UBAC2: variants seen among roughly 807,000 people sequenced by gnomAD.
The protein encoded by UBAC2 is ubiquitin-associated domain-containing protein 2.
Under a neutral mutation model 44.0 loss-of-function variants are expected in UBAC2, and 26 were observed. That is an observed-to-expected ratio of 0.59 (90% CI 0.43 to 0.82). The LOEUF is 0.82. Ranked by LOEUF, UBAC2 falls within the 40% of genes least tolerant of loss-of-function variation. The probability of loss-of-function intolerance (pLI) is 0.00; values close to 1 mark genes in which losing one functional copy is unlikely to be tolerated. For synonymous variants in UBAC2, 155 were observed against 154.3 expected (o/e 1.00, Z -0.04); for missense variants, 329 against 419.4 (o/e 0.78, Z 1.88).
chr13:99,263,995 G>A lies in UBAC2; in HGVS notation c.389+19371G>A, dbSNP rs1263959422. ...AGGTGGTAAACCTTTTGGGTGGGGT[G>A]TGGGCATGTGTAATAATAAGGAAGG... is the stretch of plus-strand genomic sequence containing the variant. On this transcript the variant is annotated intron_variant, in intron 4 of 8. Coordinates refer to ENST00000403766, the MANE Select transcript of UBAC2 (RefSeq NM_001144072.2). 7.9e-5 allele frequency among the ~76,000 whole-genome samples: 12 copies of A among 152,302 alleles called. No individual in the cohort carries two copies. The East Asian group carries it at 2.1e-3, about 27-fold the overall frequency.
intron 2 of UBAC2, among the ~76,000 whole-genome samples, chr13:99,241,835 TA>T (rs1484577643): frequency 1.3e-5 from 2 of 149,238 alleles, no homozygotes; most frequent in Non-Finnish European, 3.0e-5. Flanking sequence ...GGTCAGCAGA[TA>T]AACAAGTGAA....
intron 7 of UBAC2, among the ~76,000 whole-genome samples, chr13:99,350,890 T>C (rs1277929770): frequency 6.6e-6 from 1 of 152,212 alleles, no homozygotes; most frequent in Non-Finnish European, 1.5e-5. Context: ...AGTTAAATTA[T>C]AGGACACCCT....
rs541101574 is a variant in UBAC2 at position 99,348,442 on chromosome 13, G to A, written c.807+7877G>A. Among the ~76,000 whole-genome samples the A allele has an allele frequency of 4.6e-5, 7 of 152,298 alleles. No homozygotes were observed. In the South Asian group the frequency reaches 1.0e-3, roughly 23 times the overall value. On this transcript the variant is annotated intron_variant, in intron 7 of 8. Coordinates refer to ENST00000403766, the MANE Select transcript of UBAC2 (RefSeq NM_001144072.2). ...ATTGGGGCAGGTGTTTCAGTCACGG[G>A]GGGCCTTATGAAAAAACGCACAGGG...
chr13:99,338,045 T>C (rs2138824422), intron 6 of UBAC2, among the ~76,000 whole-genome samples: 1 of 76,696 alleles, frequency 1.3e-5, no homozygotes, highest in South Asian at 4.9e-4. Flanking sequence ...TTTTCTTTTT[T>C]TCTTTTTTTT....
chr13:99,291,704 G>C (rs567568682), intron 4 of UBAC2, among the ~76,000 whole-genome samples: 17 of 152,112 alleles, frequency 1.1e-4, no homozygotes, highest in Non-Finnish European at 1.5e-4. Flanking sequence ...ATCTTCAAGG[G>C]CATACGCTCT....
chr13:99,276,929 C>T (rs1014331549), intron 4 of UBAC2, among the ~76,000 whole-genome samples: 7 of 152,290 alleles, frequency 4.6e-5, no homozygotes, highest in Middle Eastern at 3.4e-3. Flanking sequence ...CTGTGCAGTG[C>T]TCTGCCTTCC....
chr13:99,356,129 C>G (rs1227422789), intron 7 of UBAC2: 1 of 532,604 alleles, frequency 1.9e-6, no homozygotes, highest in Non-Finnish European at 3.9e-6. Context: ...GTCTGTCAGA[C>G]TGTACACAGT....
intron 7 of UBAC2, among the ~76,000 whole-genome samples, chr13:99,358,384 T>G (rs1332084520): frequency 6.6e-6 from 1 of 152,080 alleles, no homozygotes. Context: ...CAGAACAAAA[T>G]CGAATGCAGA....
chr13:99,201,441 G>A (rs768420803), intron 1 of UBAC2: 3 of 1,613,968 alleles, frequency 1.9e-6, no homozygotes, highest in Non-Finnish European at 2.5e-6. Context: ...TCCAAGAAGA[G>A]TTTTTAGACA....
chr13:99,242,038 G>GA (rs2043307747), intron 2 of UBAC2, among the ~76,000 whole-genome samples: 1 of 150,978 alleles, frequency 6.6e-6, no homozygotes, highest in South Asian at 2.1e-4. Context: ...ATGTTTCAGA[G>GA]AGCACAGGGT....
At chr13:99,264,386 T>A (rs2043711968) in intron 4 of UBAC2, among the ~76,000 whole-genome samples, 1 of 152,244 alleles carries the variant, frequency 6.6e-6, no homozygotes, top group African/African-American at 2.4e-5. Context: ...TTTTCTGGCA[T>A]GCTGTACTTT....
chr13:99,200,907 C>T lies in UBAC2; in HGVS notation c.-2C>T, dbSNP rs777933832. The T allele has an allele frequency of 1.5e-6, 2 of 1,304,088 alleles. No individual in the cohort carries two copies. The highest frequency in any genetic ancestry group is 3.2e-5 in the Admixed American group (1 of 30,782). 80.8% of individuals were successfully genotyped at this position (1,304,088 alleles called of 1,614,324 possible). A position where few individuals can be genotyped will look rare whatever the true frequency, so the allele number is the denominator to read the frequency against. On this transcript the variant is annotated 5_prime_UTR_variant, in exon 1 of 9. Transcript: ENST00000403766. ...CTCTGGGGCTCCGAGCCCGGCGGGA[C>T]CATGTTCACCAGCACCGGCTCCAGT...
chr13:99,328,784 G>T (rs1355532313), intron 6 of UBAC2, among the ~76,000 whole-genome samples: 1 of 152,028 alleles, frequency 6.6e-6, no homozygotes, highest in Admixed American at 6.6e-5. Context: ...CTAATTTGTG[G>T]CTTGTCTGTT....
In UBAC2 at chr13:99,202,382, A is replaced by G. The variant is rs146136441; in HGVS notation, c.31+1443A>G. On this transcript the variant is annotated intron_variant, in intron 1 of 8. Coordinates refer to ENST00000403766, the MANE Select transcript of UBAC2 (RefSeq NM_001144072.2). The stretch of plus-strand genomic sequence containing the variant: ...GACTGTAGCTGAAGCTGACAGTTCA[A>G]GAAGGCAATGTGGTTTTCCTGGGAT... Among the ~76,000 whole-genome samples, 1,234 of 152,350 alleles carry G rather than the reference A, an allele frequency of 8.1e-3. 10 individuals are homozygous for G. Among genetic ancestry groups the G allele is most frequent in the Non-Finnish European group, 0.011 (745 of 68,038 alleles).
At chr13:99,201,811 C>G (rs189271360) in intron 1 of UBAC2, among the ~76,000 whole-genome samples, 6 of 152,236 alleles carry the variant, frequency 3.9e-5, no homozygotes, top group Admixed American at 3.9e-4. Context: ...GTGGCTCACG[C>G]CTGTAATCCC....
intron 4 of UBAC2, among the ~76,000 whole-genome samples, chr13:99,278,890 A>G (rs1482441426): frequency 6.6e-6 from 1 of 152,214 alleles, no homozygotes; most frequent in Non-Finnish European, 1.5e-5. Flanking sequence ...AAGTCAAGGT[A>G]AAGCAACAGA....
chr13:99,247,415 C>T (rs949840378), intron 4 of UBAC2, among the ~76,000 whole-genome samples: 2 of 150,898 alleles, frequency 1.3e-5, no homozygotes, highest in African/African-American at 2.4e-5. Context: ...GGGGTTTCAC[C>T]GTGTTAGCCA....
chr13:99,330,681 T>G (rs2044705057), intron 6 of UBAC2, among the ~76,000 whole-genome samples: 2 of 152,202 alleles, frequency 1.3e-5, no homozygotes, highest in Non-Finnish European at 2.9e-5. Context: ...AGCTAGGACC[T>G]CTAATAGAAT....
chr13:99,224,544 C>T lies in UBAC2; in HGVS notation c.32-13883C>T, dbSNP rs140445463. On this transcript the variant is annotated intron_variant, in intron 1 of 8. Coordinates refer to ENST00000403766, the MANE Select transcript of UBAC2 (RefSeq NM_001144072.2). Reference sequence around the variant, plus strand: ...TTCATTGAAATCCTTTCTCAGCTCTCAGATTCTATGATTCACTGTGCACCT... The same window carrying T: ...TTCATTGAAATCCTTTCTCAGCTCTTAGATTCTATGATTCACTGTGCACCT... Among the ~76,000 whole-genome samples the T allele has an allele frequency of 9.8e-4, 150 of 152,312 alleles. 1 individual carries two copies. In the East Asian group the frequency reaches 0.022, roughly 22 times the overall value.
Sources: gnomAD v4.1 joint callset for allele counts (sites outside exome capture counted in the v4.1 genomes callset) on GRCh38, gnomAD v4.1.1 for gene constraint, MANE v1.5 for transcripts, NCBI Gene and HGNC (gene_info 2026-07-23, HGNC 2026-07-21) for gene names.